LIN7A: variants seen among roughly 807,000 people sequenced by gnomAD.
The protein encoded by LIN7A is lin-7 cell polarity scaffold A.
A neutral mutation model predicts 29.8 loss-of-function variants in LIN7A; 25 were observed. The observed-to-expected ratio is 0.84, with a 90% confidence interval of 0.61 to 1.17. The LOEUF is 1.17. Among genes scored for constraint, LIN7A ranks in the 50% most tolerant of loss-of-function variants. LIN7A has a pLI of 0.00. For synonymous variants in LIN7A, 118 were observed against 107.5 expected (o/e 1.10, Z -0.60); for missense variants, 239 against 287.0 (o/e 0.83, Z 1.21).
At chr12:80,802,129 G>T (rs1004662140) in intron 5 of LIN7A, among the ~76,000 whole-genome samples, 1 of 151,892 alleles carries the variant, frequency 6.6e-6, no homozygotes, top group African/African-American at 2.4e-5. Flanking sequence ...TCCTGACCTC[G>T]TGATCCACCC....
chr12:80,879,961 T>C (rs565063544), intron 2 of LIN7A, among the ~76,000 whole-genome samples: 1 of 152,318 alleles, frequency 6.6e-6, no homozygotes, highest in African/African-American at 2.4e-5. Flanking sequence ...GTGTCAACAA[T>C]GCAGCCTTAG....
chr12:80,888,414 A>G (rs1875446754), intron 2 of LIN7A, among the ~76,000 whole-genome samples: 1 of 152,154 alleles, frequency 6.6e-6, no homozygotes, highest in Admixed American at 6.6e-5. Context: ...GTGGAGTAAC[A>G]CAAGCATTCA....
In LIN7A at chr12:80,856,080, C is replaced by T. The variant is rs765121418; in HGVS notation, c.202-7758G>A. ...TTTAGGTTATGGAATTCACTGCCTG[C>T]GGCCAGCCATTTTTTGCAAAAAAAG... On this transcript the variant is annotated intron_variant, in intron 2 of 5. Transcript: ENST00000552864. Among the ~76,000 whole-genome samples the T allele has an allele frequency of 9.9e-5, 15 of 152,012 alleles. 1 individual carries two copies. Among genetic ancestry groups the T allele is most frequent in the Admixed American group, 5.9e-4 (9 of 15,232 alleles).
intron 5 of LIN7A, among the ~76,000 whole-genome samples, chr12:80,803,167 T>C (rs74765553): frequency 6.6e-6 from 1 of 152,236 alleles, no homozygotes; most frequent in Non-Finnish European, 1.5e-5. Context: ...TTTACTTTTG[T>C]TGCCTGTGAT....
intron 2 of LIN7A, among the ~76,000 whole-genome samples, chr12:80,870,605 CT>C (rs1246042252): frequency 1.3e-5 from 2 of 152,192 alleles, no homozygotes; most frequent in Non-Finnish European, 2.9e-5. Flanking sequence ...TAAATCATAA[CT>C]TCCATCACAA....
At chr12:80,855,824 A>G (rs1324975978) in intron 2 of LIN7A, among the ~76,000 whole-genome samples, 1 of 152,180 alleles carries the variant, frequency 6.6e-6, no homozygotes, top group Admixed American at 6.5e-5. Flanking sequence ...TGCTTGTTTT[A>G]GGAAGTTTTG....
chr12:80,900,896 A>G (rs1716540), intron 1 of LIN7A, among the ~76,000 whole-genome samples: 103,245 of 152,096 alleles, frequency 0.68, 39,062 homozygotes, highest in Non-Finnish European at 0.87. Context: ...CCATCTTTTT[A>G]TAATGATTAA....
At chr12:80,889,193 T>A (rs1278216756) in intron 2 of LIN7A, 58 bp downstream of exon 2, 1 of 900,910 alleles carries the variant, frequency 1.1e-6, no homozygotes, top group African/African-American at 1.6e-5. Flanking sequence ...AGAGAAGACA[T>A]GTTTTCTATG....
At chr12:80,861,985 G>A (rs1873905384) in intron 2 of LIN7A, among the ~76,000 whole-genome samples, 1 of 152,200 alleles carries the variant, frequency 6.6e-6, no homozygotes, top group Non-Finnish European at 1.5e-5. Context: ...TTTTAAAGGA[G>A]CCATCATCAA....
At chr12:80,808,195 G>A (rs1871131331) in intron 5 of LIN7A, among the ~76,000 whole-genome samples, 1 of 152,052 alleles carries the variant, frequency 6.6e-6, no homozygotes, top group African/African-American at 2.4e-5. Flanking sequence ...CTCTTTTCCT[G>A]GCTTCTTGTG....
At chr12:80,900,546 A>T (rs572172437) in intron 1 of LIN7A, among the ~76,000 whole-genome samples, 87 of 152,192 alleles carry the variant, frequency 5.7e-4, no homozygotes, top group African/African-American at 2.1e-3. Context: ...GGAGCAGGTT[A>T]ATTTCCATGT....
intron 4 of LIN7A, among the ~76,000 whole-genome samples, chr12:80,815,171 A>T (rs950336952): frequency 1.3e-5 from 2 of 152,104 alleles, no homozygotes; most frequent in Non-Finnish European, 2.9e-5. Context: ...TTTTGAGTAC[A>T]TATGCTTGTC....
rs1306766906 is a variant in LIN7A, at chr12:80,794,975, A to C, written c.*2752T>G. ...TCTATCCCACCGGCCACTGACCTAA[A>C]AAAGGGAAAAAATTAAATTTCACCA... On this transcript the variant is annotated 3_prime_UTR_variant, in exon 6 of 6. Coordinates refer to ENST00000552864, the MANE Select transcript of LIN7A (RefSeq NM_004664.4). The C allele has an allele frequency of 3.9e-5, 6 of 152,160 alleles. No homozygotes were observed. Among genetic ancestry groups the C allele is most frequent in the Non-Finnish European group, 7.4e-5 (5 of 68,008 alleles). 9.4% of individuals were successfully genotyped at this position (152,160 alleles called of 1,614,324 possible).
intron 4 of LIN7A, among the ~76,000 whole-genome samples, chr12:80,831,703 A>G (rs1178365795): frequency 1.3e-5 from 2 of 152,168 alleles, no homozygotes; most frequent in Non-Finnish European, 1.5e-5. Context: ...ACAACTTTGC[A>G]TTATCCCTCC....
intron 4 of LIN7A, among the ~76,000 whole-genome samples, chr12:80,823,125 G>A (rs557862748): frequency 2.0e-5 from 3 of 152,288 alleles, no homozygotes; most frequent in African/African-American, 7.2e-5. Flanking sequence ...TCTTCGCTTT[G>A]CTCACTCTCC....
intron 1 of LIN7A, among the ~76,000 whole-genome samples, chr12:80,920,849 TTAATATGTACCA>T (rs1256254310): frequency 6.6e-6 from 1 of 152,194 alleles, no homozygotes; most frequent in East Asian, 1.9e-4. Flanking sequence ...CAGGAATACC[TTAATATGTACCA>T]TATTAAGTTG....
In LIN7A at chr12:80,911,268, A is replaced by ATT. The variant is rs768907424; in HGVS notation, c.83-21901_83-21900dup. On this transcript the variant is annotated intron_variant, in intron 1 of 5. Transcript: ENST00000552864. ...GGTTCTAGAGGGTGGAAGTTTGTCT[A>ATT]TTTTTTTTTTTTTTTTTTTTTTGGT... Among the ~76,000 whole-genome samples, 74 of 105,870 alleles carry ATT rather than the reference A, an allele frequency of 7.0e-4. 2 individuals are homozygous for ATT. The highest frequency in any genetic ancestry group is 1.6e-3 in the African/African-American group (45 of 28,246). The allele number at this position is 105,870 out of a possible 152,430, so 69.5% of individuals were successfully genotyped here.
At chr12:80,929,321 T>G (rs1877764584) in intron 1 of LIN7A, among the ~76,000 whole-genome samples, 1 of 152,224 alleles carries the variant, frequency 6.6e-6, no homozygotes, top group Non-Finnish European at 1.5e-5. Flanking sequence ...TTTTATCTCT[T>G]TTATTGTAAC....
chr12:80,794,927 T>C lies in LIN7A; in HGVS notation c.*2800A>G, dbSNP rs748073738. 2 of 152,148 alleles carry C rather than the reference T, an allele frequency of 1.3e-5. No individual in the cohort carries two copies. Among genetic ancestry groups the C allele is most frequent in the African/African-American group, 4.8e-5 (2 of 41,454 alleles). 9.4% of individuals were successfully genotyped at this position (152,148 alleles called of 1,614,324 possible). ...CTCTATGTATTTGCCTTCAAAATCA[T>C]AGCAGGAAAAAGTTTAGAAAAATCT... On this transcript the variant is annotated 3_prime_UTR_variant, in exon 6 of 6. Coordinates refer to ENST00000552864, the MANE Select transcript of LIN7A (RefSeq NM_004664.4).
Sources: allele counts gnomAD v4.1 joint callset (sites outside exome capture counted in the v4.1 genomes callset), GRCh38; gene constraint gnomAD v4.1.1; transcripts MANE v1.5; gene names NCBI Gene and HGNC (gene_info 2026-07-23, HGNC 2026-07-21).